Variants in ARHGAP24 observed in about 807,000 individuals in gnomAD.
The protein encoded by ARHGAP24 is Rho GTPase activating protein 24.
A neutral mutation model predicts 76.4 loss-of-function variants in ARHGAP24; 50 were observed. That is an observed-to-expected ratio of 0.65 (90% CI 0.52 to 0.83). The LOEUF (loss-of-function observed/expected upper bound fraction) is 0.83, where lower values mean the gene tolerates loss of function less well. ARHGAP24 is among the 40% of genes least tolerant of loss of function. ARHGAP24 has a pLI of 0.00. For missense variants in ARHGAP24, 930 were observed against 914.2 expected (o/e 1.02, Z -0.22); for synonymous variants, 345 against 323.3 (o/e 1.07, Z -0.72).
chr4:85,530,383 C>T (rs565128596), intron 1 of ARHGAP24, among the ~76,000 whole-genome samples: 32 of 151,978 alleles, frequency 2.1e-4, no homozygotes, highest in African/African-American at 7.7e-4. Flanking sequence ...TGTTTCACTG[C>T]GATATTCAGC....
intron 2 of ARHGAP24, among the ~76,000 whole-genome samples, chr4:85,663,942 T>G (rs1230504803): frequency 6.6e-6 from 1 of 152,036 alleles, no homozygotes; most frequent in Non-Finnish European, 1.5e-5. Flanking sequence ...TGAGGATTTT[T>G]GTATCAATGT....
At chr4:85,865,548 AATT>A (rs541171850) in intron 3 of ARHGAP24, among the ~76,000 whole-genome samples, 303 of 147,712 alleles carry the variant, frequency 2.1e-3, no homozygotes, top group African/African-American at 6.8e-3. Flanking sequence ...AAGAATAATT[AATT>A]ATTATAAAAT....
intron 2 of ARHGAP24, among the ~76,000 whole-genome samples, chr4:85,660,023 T>C (rs1722319187): frequency 6.6e-6 from 1 of 152,224 alleles, no homozygotes; most frequent in Admixed American, 6.5e-5. Context: ...TAGGGGGAGT[T>C]GCCCTTATCA....
intron 2 of ARHGAP24, among the ~76,000 whole-genome samples, chr4:85,602,668 T>C (rs1720072868): frequency 6.6e-6 from 1 of 152,142 alleles, no homozygotes; most frequent in African/African-American, 2.4e-5. Context: ...AATAGAATAG[T>C]GATGGATGCA....
chr4:85,550,949 A>G (rs1046580695), intron 1 of ARHGAP24, among the ~76,000 whole-genome samples: 4 of 152,190 alleles, frequency 2.6e-5, no homozygotes, highest in African/African-American at 9.6e-5. Flanking sequence ...ACAAGGTTTT[A>G]TAGGAATAGA....
chr4:85,652,303 T>C (rs1437324334), intron 2 of ARHGAP24, among the ~76,000 whole-genome samples: 3 of 152,210 alleles, frequency 2.0e-5, no homozygotes, highest in African/African-American at 7.2e-5. Flanking sequence ...ATTAGGAATA[T>C]TTCTACTACC....
intron 2 of ARHGAP24, among the ~76,000 whole-genome samples, chr4:85,587,533 G>A (rs991315751): frequency 1.3e-5 from 2 of 152,158 alleles, no homozygotes; most frequent in African/African-American, 4.8e-5. Context: ...GTGAATTTGG[G>A]TGGGGGGCTT....
intron 3 of ARHGAP24, among the ~76,000 whole-genome samples, chr4:85,902,419 C>T (rs370542929): frequency 6.6e-6 from 1 of 152,112 alleles, no homozygotes; most frequent in African/African-American, 2.4e-5. Context: ...AGTGCCTTTA[C>T]ACTTCCCCAT....
At chr4:85,757,831 C>G (rs1237262591) in intron 3 of ARHGAP24, among the ~76,000 whole-genome samples, 1 of 152,184 alleles carries the variant, frequency 6.6e-6, no homozygotes, top group Non-Finnish European at 1.5e-5. Context: ...ACAGTCCCAC[C>G]AACAGTGTAA....
chr4:85,921,539 G>GTT (rs5860007), intron 3 of ARHGAP24, among the ~76,000 whole-genome samples: 3 of 140,186 alleles, frequency 2.1e-5, no homozygotes, highest in East Asian at 2.2e-4. Context: ...TAAAATAAAA[G>GTT]TTTTTTTAAA....
At chr4:85,588,338 G>C (rs910993871) in intron 2 of ARHGAP24, among the ~76,000 whole-genome samples, 1 of 152,208 alleles carries the variant, frequency 6.6e-6, no homozygotes, top group Non-Finnish European at 1.5e-5. Context: ...GTTGTTTTAA[G>C]AGAAAATAAA....
chr4:85,626,040 T>C lies in ARHGAP24; in HGVS notation c.180+55319T>C, dbSNP rs552543657. Among the ~76,000 whole-genome samples the C allele has an allele frequency of 8.9e-4, 136 of 152,370 alleles. 2 individuals are homozygous for C. Among genetic ancestry groups the C allele is most frequent in the Middle Eastern group, 6.8e-3 (2 of 294 alleles). On this transcript the variant is annotated intron_variant, in intron 2 of 9. Coordinates refer to ENST00000395184, the MANE Select transcript of ARHGAP24 (RefSeq NM_001025616.3). ...TCTTTATCCAATTTGCCAGTCTGTG[T>C]CTTTTAATTGGAACATTTAGTCCAT... is the stretch of plus-strand genomic sequence containing the variant.
chr4:85,849,951 T>C (rs1489131758), intron 3 of ARHGAP24, among the ~76,000 whole-genome samples: 1 of 152,204 alleles, frequency 6.6e-6, no homozygotes, highest in Non-Finnish European at 1.5e-5. Flanking sequence ...ATCAGGATGA[T>C]GCTGGCCTCA....
At chr4:85,741,624 G>A (rs903774637) in intron 3 of ARHGAP24, among the ~76,000 whole-genome samples, 1 of 152,212 alleles carries the variant, frequency 6.6e-6, no homozygotes, top group Non-Finnish European at 1.5e-5. Flanking sequence ...CACTGCCTCA[G>A]TTACCTGGAT....
intron 9 of ARHGAP24, among the ~76,000 whole-genome samples, chr4:85,997,351 GATAAT>G (rs1193800983): frequency 0.045 from 6,804 of 149,860 alleles, 529 homozygotes; most frequent in African/African-American, 0.16. Flanking sequence ...TAGAGAGATA[GATAAT>G]AGATAGATGA....
At chr4:85,958,563 A>C (rs1014730729) in intron 5 of ARHGAP24, among the ~76,000 whole-genome samples, 1 of 152,196 alleles carries the variant, frequency 6.6e-6, no homozygotes, top group African/African-American at 2.4e-5. Flanking sequence ...GATACCTATA[A>C]GATTTTATAT....
chr4:85,618,137 T>C (rs1720599497), intron 2 of ARHGAP24, among the ~76,000 whole-genome samples: 1 of 152,142 alleles, frequency 6.6e-6, no homozygotes, highest in Admixed American at 6.6e-5. Flanking sequence ...TTGACCAACA[T>C]CTCCCCATTT....
intron 1 of ARHGAP24, among the ~76,000 whole-genome samples, chr4:85,568,311 G>T (rs544069881): frequency 2.6e-5 from 4 of 151,524 alleles, no homozygotes; most frequent in African/African-American, 9.7e-5. Context: ...TGTTTGTTGC[G>T]GGGGGGAGGG....
intron 1 of ARHGAP24, among the ~76,000 whole-genome samples, chr4:85,545,287 A>G (rs1250336311): frequency 6.6e-6 from 1 of 151,968 alleles, no homozygotes; most frequent in Non-Finnish European, 1.5e-5. Context: ...TTTAGTAGAG[A>G]CGGGGTTTCG....
Sources: gnomAD v4.1 joint callset for allele counts (sites outside exome capture counted in the v4.1 genomes callset) on GRCh38, gnomAD v4.1.1 for gene constraint, MANE v1.5 for transcripts, NCBI Gene and HGNC (gene_info 2026-07-23, HGNC 2026-07-21) for gene names.